TRMU: variants seen among roughly 807,000 people sequenced by gnomAD.
The protein encoded by TRMU is mitochondrial tRNA-specific 2-thiouridylase 1.
A neutral mutation model predicts 46.9 loss-of-function variants in TRMU; 49 were observed. That is an observed-to-expected ratio of 1.05 (90% CI 0.83 to 1.33). The LOEUF is 1.33. TRMU is among the 40% of genes most tolerant of loss of function. The pLI is 0.00. For synonymous variants in TRMU, 241 were observed against 200.9 expected, an observed-to-expected ratio of 1.20 and a Z score of -1.69; for missense variants, 572 against 532.4, an observed-to-expected ratio of 1.07 and a Z score of -0.73.
chr22:46,354,431 G>C (rs2078533597), intron 8 of TRMU: 1 of 167,504 alleles, frequency 6.0e-6, no homozygotes, highest in Non-Finnish European at 1.3e-5. Flanking sequence ...GGACGCGGGT[G>C]CTGCTGCATC....
chr22:46,337,353 G>A (rs1026138138), intron 1 of TRMU, among the ~76,000 whole-genome samples: 1 of 152,122 alleles, frequency 6.6e-6, no homozygotes. Flanking sequence ...ACAAAATATC[G>A]AAAATTTTAA....
In TRMU at chr22:46,337,940, T is replaced by G. The variant is rs1291699841; in HGVS notation, c.244T>G (p.Phe82Val). The G allele has an allele frequency of 6.2e-7, 1 of 1,614,164 alleles. No individual in the cohort carries two copies. The highest frequency in any genetic ancestry group is 2.2e-5 in the East Asian group (1 of 44,878). The change falls in exon 2 of 11, where the codon TTC (phenylalanine) becomes GTC (valine). Residue 82 changes from phenylalanine to valine, a missense_variant. Physicochemically the swap from Phe to Val is conservative, Grantham distance 50. Transcript: ENST00000645190. ...CGTAAAGGAGTATTGGAATGATGTG[T>G]TCAGGTGAGTGCGGGTCACAGCACA... Reference protein sequence around the residue: ...SYVKEYWNDVFSDFLNEYEKG... With the variant: ...SYVKEYWNDVVSDFLNEYEKG...
rs762664561 is a variant in TRMU, at chr22:46,350,486, G to A, written c.651+23G>A. ...GAGGTACGAGTGAGCAGTTGCCTTT[G>A]ATTAGTGCCTGTTTCCCTTTCCCGA... On this transcript the variant is annotated intron_variant, in intron 5 of 10. Coordinates refer to ENST00000645190, the MANE Select transcript of TRMU (RefSeq NM_018006.5). The surrounding 1 kb of genome is among the most constrained non-coding windows in gnomAD (Gnocchi z 4.6). 5 of 1,612,668 alleles carry A rather than the reference G, an allele frequency of 3.1e-6. No homozygotes were observed. The South Asian group carries it at 5.5e-5, about 18-fold the overall frequency.
chr22:46,352,482 A>G, intron 7 of TRMU, 152 bp downstream of exon 7: 2 of 815,206 alleles, frequency 2.5e-6, no homozygotes, highest in East Asian at 2.6e-5. Flanking sequence ...GGCACGGCCT[A>G]GGGTGGAACA....
At position 46,340,700 on chromosome 22, in the gene TRMU, G is replaced by A. The variant is rs1478074814; in HGVS notation, c.249-2562G>A. On this transcript the variant is annotated intron_variant, in intron 2 of 10. Coordinates refer to ENST00000645190, the MANE Select transcript of TRMU (RefSeq NM_018006.5). ...GGGATTAAACCCCAGAATTAGGAGC[G>A]GAGCTGGGATTAAACCCCAGAATTA... is the stretch of plus-strand genomic sequence containing the variant. Among the ~76,000 whole-genome samples the A allele has an allele frequency of 4.3e-5, 6 of 138,622 alleles. No homozygotes were observed. In the East Asian group the frequency reaches 6.7e-4, roughly 16 times the overall value. The allele number at this position is 138,622 out of a possible 152,430, so 90.9% of individuals were successfully genotyped here. A position where few individuals can be genotyped will look rare whatever the true frequency, so the allele number is the denominator to read the frequency against.
chr22:46,336,306 C>A lies in TRMU; in HGVS notation c.82+460C>A. On this transcript the variant is annotated intron_variant, in intron 1 of 10. Transcript: ENST00000645190. This position sits in a 1 kb window ranked among gnomAD's most constrained non-coding sequence, Gnocchi z 4.1. The stretch of plus-strand genomic sequence containing the variant: ...CACTCAGCAGACTGGACAACTGCCG[C>A]GCGGCGGGTCTGCTTGTTCAGCGTC... 1 of 225,906 alleles carries A rather than the reference C, an allele frequency of 4.4e-6. No individual in the cohort carries two copies. Among genetic ancestry groups the A allele is most frequent in the Non-Finnish European group, 7.5e-6 (1 of 133,226 alleles). The allele number at this position is 225,906 out of a possible 1,614,324, so 14.0% of individuals were successfully genotyped here.
chr22:46,345,895 GT>G (rs1473841766), intron 3 of TRMU, among the ~76,000 whole-genome samples: 4 of 151,726 alleles, frequency 2.6e-5, no homozygotes, highest in Admixed American at 6.6e-5. Context: ...AGCCTCCCAA[GT>G]GGCTGGGACT....
intron 2 of TRMU, among the ~76,000 whole-genome samples, chr22:46,340,984 G>A (rs1360816712): frequency 6.6e-6 from 1 of 152,242 alleles, no homozygotes; most frequent in Admixed American, 6.5e-5. Context: ...CACTTCTCTA[G>A]TAGGGCTCTC....
Position 46,336,031 on chromosome 22 carries a change from G to A in TRMU, c.82+185G>A, listed in dbSNP as rs2077966147. 2.8e-6 allele frequency: 4 copies of A among 1,417,458 alleles called. No homozygotes were observed. The highest frequency in any genetic ancestry group is 3.7e-6 in the Non-Finnish European group (4 of 1,089,208). The allele number at this position is 1,417,458 out of a possible 1,614,324, so 87.8% of individuals were successfully genotyped here. On this transcript the variant is annotated intron_variant, in intron 1 of 10. Coordinates refer to ENST00000645190, the MANE Select transcript of TRMU (RefSeq NM_018006.5). The surrounding 1 kb of genome is among the most constrained non-coding windows in gnomAD (Gnocchi z 4.1). The stretch of plus-strand genomic sequence containing the variant: ...TCCTCGCCCTCCACCTGTGTAGTCG[G>A]AGGTGTGCGCGACTGCAGCTCCGAC...
rs58315215 is a variant in TRMU at position 46,349,980 on chromosome 22, GT to G, written c.479-296del. Among the ~76,000 whole-genome samples, 12,338 of 130,740 alleles carry G rather than the reference GT, an allele frequency of 0.094. 1,626 individuals carry two copies. The highest frequency in any genetic ancestry group is 0.31 in the African/African-American group (11,425 of 37,234). The allele number at this position is 130,740 out of a possible 152,430, so 85.8% of individuals were successfully genotyped here. A position where few individuals can be genotyped will look rare whatever the true frequency, so the allele number is the denominator to read the frequency against. ...AGATTTGGCTGAATTTATTTTAGGT[GT>G]TTTTTTTTTTTTTTCTTATCACTTG... On this transcript the variant is annotated intron_variant, in intron 4 of 10. Transcript: ENST00000645190. The surrounding 1 kb of genome is among the most constrained non-coding windows in gnomAD (Gnocchi z 4.6).
intron 5 of TRMU, 38 bp from the exon 6 acceptor site, chr22:46,352,083 C>T (rs2078445184): frequency 6.2e-7 from 1 of 1,611,256 alleles, no homozygotes; most frequent in South Asian, 1.1e-5. Context: ...GCCACCGCCA[C>T]TTCTGCTCCT....
Position 46,349,500 on chromosome 22 carries a change from G to A in TRMU, c.479-791G>A, listed in dbSNP as rs552671249. ...CTGTCTGACCGTCACGGCATGTGGC[G>A]TGCTCTGAGTGTAACTCGAAAGGAG... On this transcript the variant is annotated intron_variant, in intron 4 of 10. Transcript: ENST00000645190. The surrounding 1 kb of genome is among the most constrained non-coding windows in gnomAD (Gnocchi z 4.6). 6.6e-6 allele frequency among the ~76,000 whole-genome samples: 1 copy of A among 152,362 alleles called. No homozygotes were observed. The highest frequency in any genetic ancestry group is 2.1e-4 in the South Asian group (1 of 4,828).
intron 7 of TRMU, chr22:46,352,921 G>T: frequency 5.1e-6 from 1 of 194,268 alleles, no homozygotes; most frequent in East Asian, 1.1e-4. Context: ...TGGCGGGGAT[G>T]TGCCTGCCGG....
rs1601976207 is a variant in TRMU, at chr22:46,351,974, A to G, written c.652-147A>G. 1 of 857,182 alleles carries G rather than the reference A, an allele frequency of 1.2e-6. No homozygotes were observed. Among genetic ancestry groups the G allele is most frequent in the South Asian group, 1.3e-5 (1 of 75,492 alleles). 53.1% of individuals were successfully genotyped at this position (857,182 alleles called of 1,614,324 possible). ...GTGCGCCGGCTGTGACTGGCGGCCGAGGGTGCCGGTGGGCAGCCGGGCCCC... is the reference window on the plus strand; with the variant it reads ...GTGCGCCGGCTGTGACTGGCGGCCGGGGGTGCCGGTGGGCAGCCGGGCCCC... On this transcript the variant is annotated intron_variant, in intron 5 of 10. Transcript: ENST00000645190. This position sits in a 1 kb window ranked among gnomAD's most constrained non-coding sequence, Gnocchi z 6.4.
rs1409809386 is a variant in TRMU, at chr22:46,350,450, T to A, written c.638T>A (p.Leu213His). 3 of 1,613,542 alleles carry A rather than the reference T, an allele frequency of 1.9e-6. No homozygotes were observed. The highest frequency in any genetic ancestry group is 2.5e-6 in the Non-Finnish European group (3 of 1,180,022). ...IAAENRLHHV[L>H]QKKESMGMCF... The stretch of plus-strand genomic sequence containing the variant: ...GCTGAGAATAGACTTCATCATGTGC[T>A]TCAGAAGAAAGAGGTACGAGTGAGC... The change falls in exon 5 of 11, where the codon CTT (leucine) becomes CAT (histidine). Residue 213 changes from leucine to histidine, a missense_variant. Coordinates refer to ENST00000645190, the MANE Select transcript of TRMU (RefSeq NM_018006.5). The surrounding 1 kb of genome is among the most constrained non-coding windows in gnomAD (Gnocchi z 4.6).
In TRMU at chr22:46,348,449, C is replaced by T. The variant is rs867732058; in HGVS notation, c.479-1842C>T. Among the ~76,000 whole-genome samples, 17 of 152,342 alleles carry T rather than the reference C, an allele frequency of 1.1e-4. No homozygotes were observed. The Middle Eastern group carries it at 0.01, about 91-fold the overall frequency. ...TTCTTCTTCAGTTGCCCTGGCCCAG[C>T]CTGGGTCTCTGGGTAGAGCACCTGC... On this transcript the variant is annotated intron_variant, in intron 4 of 10. Transcript: ENST00000645190. This position sits in a 1 kb window ranked among gnomAD's most constrained non-coding sequence, Gnocchi z 4.8.
rs201743550 is a variant in TRMU, at chr22:46,348,978, CAAA to C, written c.479-1305_479-1303del. On this transcript the variant is annotated intron_variant, in intron 4 of 10. Transcript: ENST00000645190. The surrounding 1 kb of genome is among the most constrained non-coding windows in gnomAD (Gnocchi z 4.8). ...TGAAACCCCATCTCTACTACAAATA[CAAA>C]AAAAAAAGTTAGCCGAGTATGGTGG... Among the ~76,000 whole-genome samples, 2 of 146,924 alleles carry C rather than the reference CAAA, an allele frequency of 1.4e-5. No homozygotes were observed. The highest frequency in any genetic ancestry group is 5.0e-5 in the African/African-American group (2 of 40,058).
At position 46,357,304 on chromosome 22, in the gene TRMU, G is replaced by A. The variant is rs907722969; in HGVS notation, c.*298G>A. On this transcript the variant is annotated 3_prime_UTR_variant, in exon 11 of 11. Transcript: ENST00000645190. ...ACCGAGGGGACCTGCAGAGGGGGCT[G>A]TCGGGACAGCGTGGAATAAACATTA... The A allele has an allele frequency of 9.6e-6, 5 of 518,366 alleles. No individual in the cohort carries two copies. Among genetic ancestry groups the A allele is most frequent in the Admixed American group, 3.2e-5 (1 of 31,186 alleles). 32.1% of individuals were successfully genotyped at this position (518,366 alleles called of 1,614,324 possible).
In TRMU at chr22:46,352,341, G is replaced by C. The variant is rs1262602634; in HGVS notation, c.772+11G>C. 1.9e-6 allele frequency: 3 copies of C among 1,613,842 alleles called. No individual in the cohort carries two copies. In the African/African-American group the frequency reaches 4.0e-5, roughly 22 times the overall value. ...TGGGAACACATAAAGGTGAGGTGCA[G>C]ACTCTGCCACTTGTCATCTGAAATG... is the stretch of plus-strand genomic sequence containing the variant. On this transcript the variant is annotated intron_variant, in intron 7 of 10. Transcript: ENST00000645190.
Sources: gnomAD v4.1 joint callset for allele counts (sites outside exome capture counted in the v4.1 genomes callset) on GRCh38, gnomAD v4.1.1 for gene constraint, Gnocchi (gnomAD v3.1) non-coding constraint, MANE v1.5 for transcripts, NCBI Gene and HGNC (gene_info 2026-07-23, HGNC 2026-07-21) for gene names.